The following DPF3 variants were observed in gnomAD, a reference collection of about 807,000 sequenced individuals.
DPF3 encodes the protein double PHD fingers 3.
A neutral mutation model predicts 56.8 loss-of-function variants in DPF3; 18 were observed. That is an observed-to-expected ratio of 0.32 (90% CI 0.22 to 0.47). The LOEUF is 0.47. Ranked by LOEUF, DPF3 falls within the 20% of genes least tolerant of loss-of-function variation. The pLI, the probability that DPF3 is intolerant of heterozygous loss-of-function variation, is 1.00. For synonymous variants in DPF3, 188 were observed against 180.2 expected, an observed-to-expected ratio of 1.04 and a Z score of -0.35; for missense variants, 403 against 488.8, an observed-to-expected ratio of 0.82 and a Z score of 1.65.
chr14:72,686,212 A>C (rs531183495), intron 7 of DPF3, among the ~76,000 whole-genome samples: 2 of 152,344 alleles, frequency 1.3e-5, no homozygotes, highest in African/African-American at 4.8e-5. Flanking sequence ...ACAGGCAGTT[A>C]GCTTCACAGT....
intron 1 of DPF3, among the ~76,000 whole-genome samples, chr14:72,805,690 A>G (rs1882743660): frequency 1.3e-5 from 2 of 152,158 alleles, no homozygotes; most frequent in Non-Finnish European, 2.9e-5. Flanking sequence ...TACTAAAAAT[A>G]CAAAAATTAG....
intron 1 of DPF3, among the ~76,000 whole-genome samples, chr14:72,864,995 T>C (rs1263190800): frequency 4.6e-5 from 7 of 152,128 alleles, no homozygotes; most frequent in African/African-American, 1.7e-4. Flanking sequence ...TGCTCAGATT[T>C]TTGCTTAGAT....
chr14:72,675,796 AAGTGTT>A (rs1886884021), intron 7 of DPF3: 1 of 152,260 alleles, frequency 6.6e-6, no homozygotes, highest in Non-Finnish European at 1.5e-5. Context: ...TCTCTGCAAG[AAGTGTT>A]AGCTGTTTGG....
rs544469755 is a variant in DPF3, at chr14:72,762,561, ACT to A, written c.193+9170_193+9171del. Among the ~76,000 whole-genome samples the A allele has an allele frequency of 1.1e-3, 168 of 151,902 alleles. 1 individual carries two copies. Among genetic ancestry groups the A allele is most frequent in the Middle Eastern group, 3.4e-3 (1 of 294 alleles). On this transcript the variant is annotated intron_variant, in intron 2 of 10. Transcript: ENST00000556509. ...ATCCATTTGTGATTTAAAAAAAAAA[ACT>A]CTCAAACTAGAAATAGAAGGGAGCA...
At chr14:72,705,467 T>C (rs563102594) in intron 6 of DPF3, among the ~76,000 whole-genome samples, 5 of 152,216 alleles carry the variant, frequency 3.3e-5, no homozygotes, top group Admixed American at 2.6e-4. Flanking sequence ...GCACAATAAG[T>C]GTAATGTGCT....
chr14:72,738,091 G>T (rs1889971454), intron 3 of DPF3, among the ~76,000 whole-genome samples: 1 of 152,146 alleles, frequency 6.6e-6, no homozygotes, highest in South Asian at 2.1e-4. Flanking sequence ...AGACTCGTGA[G>T]GAGGGAGAAG....
intron 6 of DPF3, among the ~76,000 whole-genome samples, chr14:72,707,627 C>G (rs548174630): frequency 1.3e-5 from 2 of 152,130 alleles, no homozygotes; most frequent in East Asian, 3.9e-4. Flanking sequence ...CTGAGTGGGG[C>G]AGCGGGGCGT....
At chr14:72,662,377 T>C (rs1886253842) in intron 8 of DPF3, 3 of 985,100 alleles carry the variant, frequency 3.0e-6, no homozygotes, top group Non-Finnish European at 3.6e-6. Flanking sequence ...GCTTAACTTT[T>C]GAAGTAGGAG....
At chr14:72,703,172 C>A (rs866483714) in intron 6 of DPF3, among the ~76,000 whole-genome samples, 2 of 152,154 alleles carry the variant, frequency 1.3e-5, no homozygotes, top group African/African-American at 4.8e-5. Context: ...CCCCCCACCC[C>A]ACCCTGCACG....
At position 72,820,432 on chromosome 14, in the gene DPF3, G is replaced by A. The variant is rs79847598; in HGVS notation, c.33-48539C>T. On this transcript the variant is annotated intron_variant, in intron 1 of 10. Transcript: ENST00000556509. ...TTTCACCTATCAAATGAGTTTTTTT[G>A]TTTTTGTTTTTTGCTTTGATGATAA... is the stretch of plus-strand genomic sequence containing the variant. Among the ~76,000 whole-genome samples, 474 of 152,016 alleles carry A rather than the reference G, an allele frequency of 3.1e-3. 3 individuals carry two copies. The highest frequency in any genetic ancestry group is 4.6e-3 in the Admixed American group (71 of 15,284).
chr14:72,733,468 G>A (rs1889760488), intron 3 of DPF3, among the ~76,000 whole-genome samples: 7 of 152,064 alleles, frequency 4.6e-5, no homozygotes, highest in Admixed American at 4.6e-4. Context: ...AGGGACAGAG[G>A]GAGAGTGCTT....
At chr14:72,760,882 GA>G (rs1487276383) in intron 2 of DPF3, among the ~76,000 whole-genome samples, 1 of 151,976 alleles carries the variant, frequency 6.6e-6, no homozygotes, top group Non-Finnish European at 1.5e-5. Context: ...TAAAAGAATG[GA>G]AAAAGATATT....
At chr14:72,807,892 G>A (rs1882858583) in intron 1 of DPF3, among the ~76,000 whole-genome samples, 1 of 152,162 alleles carries the variant, frequency 6.6e-6, no homozygotes, top group Non-Finnish European at 1.5e-5. Flanking sequence ...TTGAGCCCTG[G>A]AGTTGGAGGC....
At chr14:72,874,123 C>A in intron 1 of DPF3, among the ~76,000 whole-genome samples, 1 of 144,576 alleles carries the variant, frequency 6.9e-6, no homozygotes. Flanking sequence ...CTAAAACAAG[C>A]AGGAGATAGG....
At chr14:72,753,241 G>A (rs562602549) in intron 3 of DPF3, 23 bp downstream of exon 3, 1 of 1,609,302 alleles carries the variant, frequency 6.2e-7, no homozygotes, top group African/African-American at 1.3e-5. Context: ...CACAGACCCA[G>A]CCAAGCTCCA....
At chr14:72,667,703 T>C (rs1886498609) in intron 8 of DPF3, among the ~76,000 whole-genome samples, 1 of 152,212 alleles carries the variant, frequency 6.6e-6, no homozygotes, top group Non-Finnish European at 1.5e-5. Flanking sequence ...AGAATCTGAA[T>C]TAGAACTCTC....
rs373945161 is a variant in DPF3, at chr14:72,768,682, C to T, written c.193+3051G>A. 1.1e-4 allele frequency among the ~76,000 whole-genome samples: 17 copies of T among 152,208 alleles called. No individual in the cohort carries two copies. In the East Asian group the frequency reaches 3.3e-3, roughly 29 times the overall value. On this transcript the variant is annotated intron_variant, in intron 2 of 10. Coordinates refer to ENST00000556509, the MANE Select transcript of DPF3 (RefSeq NM_001280542.3). ...AGAAATTATATGAATCCCCTCCCCA[C>T]TCAAAAAGCAAACCCTGATAAGTGA...
chr14:72,713,562 C>A (rs1419801679), intron 6 of DPF3, among the ~76,000 whole-genome samples: 2 of 152,194 alleles, frequency 1.3e-5, no homozygotes, highest in African/African-American at 2.4e-5. Flanking sequence ...CCTCCTATGG[C>A]GAAGCTCTGC....
intron 2 of DPF3, among the ~76,000 whole-genome samples, chr14:72,756,876 G>C (rs866666460): frequency 1.5e-5 from 1 of 67,796 alleles, no homozygotes; most frequent in Non-Finnish European, 2.8e-5. Flanking sequence ...AAGAAAGGAA[G>C]GAAAGAAGGA....
Sources: gnomAD v4.1 joint callset for allele counts (sites outside exome capture counted in the v4.1 genomes callset) on GRCh38, gnomAD v4.1.1 for gene constraint, MANE v1.5 for transcripts, NCBI Gene and HGNC (gene_info 2026-07-23, HGNC 2026-07-21) for gene names.